The following ACADM variants were observed in gnomAD, a reference collection of about 807,000 sequenced individuals.
ACADM encodes the protein medium-chain specific acyl-CoA dehydrogenase, mitochondrial.
In ACADM, 49 loss-of-function variants were observed where a neutral mutation model predicts 58.9. The observed-to-expected ratio is 0.83, with a 90% confidence interval of 0.66 to 1.06. ACADM has a LOEUF of 1.06. Ranked by LOEUF, ACADM falls within the 50% of genes least tolerant of loss-of-function variation. The probability of loss-of-function intolerance (pLI) is 0.00; values close to 1 mark genes in which losing one functional copy is unlikely to be tolerated. For synonymous variants in ACADM, 160 were observed against 157.7 expected, an observed-to-expected ratio of 1.01 and a Z score of -0.11; for missense variants, 496 against 507.0, an observed-to-expected ratio of 0.98 and a Z score of 0.21.
At chr1:75,733,062 T>G (rs1335988228) in intron 4 of ACADM, 140 bp downstream of exon 4, 1 of 1,613,184 alleles carries the variant, frequency 6.2e-7, no homozygotes, top group African/African-American at 1.3e-5. Context: ...CTACAGTGTT[T>G]GCCCACTTTT....
In ACADM at chr1:75,745,789, G is replaced by A; in HGVS notation, c.600-17G>A. 1.9e-6 allele frequency: 3 copies of A among 1,549,840 alleles called. No individual in the cohort carries two copies. Among genetic ancestry groups the A allele is most frequent in the Non-Finnish European group, 2.7e-6 (3 of 1,121,528 alleles). Reference sequence around the variant, plus strand: ...TTGCCGATATTATCACCATTATCCGGTATGTGTATCTCTTAGGTATTTTTT... The same window carrying A: ...TTGCCGATATTATCACCATTATCCGATATGTGTATCTCTTAGGTATTTTTT... On this transcript the variant is annotated splice_polypyrimidine_tract_variant and intron_variant, in intron 7 of 11. Transcript: ENST00000370841.
At chr1:75,754,399 A>G (rs540593221) in intron 10 of ACADM, among the ~76,000 whole-genome samples, 4 of 151,424 alleles carry the variant, frequency 2.6e-5, no homozygotes, top group Non-Finnish European at 5.9e-5. Flanking sequence ...TTTAGTAGAG[A>G]TGAGGTTTCA....
Position 75,743,949 on chromosome 1 carries a change from G to T in ACADM, c.600-1857G>T, listed in dbSNP as rs189128961. ...CAGATGCCGACATGAAGCCTAGTTT[G>T]AGGTTATGTTTCTTCAAAAAAGCCT... On this transcript the variant is annotated intron_variant, in intron 7 of 11. Transcript: ENST00000370841. 1.6e-4 allele frequency: 245 copies of T among 1,534,942 alleles called. No individual in the cohort carries two copies. The African/African-American group carries it at 2.9e-3, about 18-fold the overall frequency.
intron 7 of ACADM, chr1:75,743,577 G>C: frequency 1.3e-6 from 2 of 1,584,564 alleles, no homozygotes; most frequent in Non-Finnish European, 1.7e-6. Context: ...CCACTGGCTT[G>C]TCAAAGATGC....
intron 9 of ACADM, among the ~76,000 whole-genome samples, chr1:75,749,788 T>C (rs1478783442): frequency 6.7e-6 from 1 of 149,844 alleles, no homozygotes; most frequent in Admixed American, 6.7e-5. Context: ...TCTCAGCTCA[T>C]TGCAACCTTC....
chr1:75,752,937 T>A (rs940908418), intron 10 of ACADM, among the ~76,000 whole-genome samples: 2 of 152,328 alleles, frequency 1.3e-5, no homozygotes, highest in East Asian at 3.9e-4. Context: ...TCCAGAGATT[T>A]CACCATTCTA....
rs1557438004 is a variant in ACADM at position 75,724,834 on chromosome 1, C to G, written c.30+17C>G. 1.4e-6 allele frequency: 2 copies of G among 1,473,814 alleles called. No homozygotes were observed. Among genetic ancestry groups the G allele is most frequent in the Non-Finnish European group, 1.8e-6 (2 of 1,107,146 alleles). 91.3% of individuals were successfully genotyped at this position (1,473,814 alleles called of 1,614,324 possible). A position where few individuals can be genotyped will look rare whatever the true frequency, so the allele number is the denominator to read the frequency against. ...TGCTGCAGGGTGAGAGGGAGCCCAG[C>G]GGTGCGGTGGGGCTGGAACATGGGT... On this transcript the variant is annotated intron_variant, in intron 1 of 11. Transcript: ENST00000370841.
chr1:75,728,251 A>C, intron 1 of ACADM, 150 bp from the exon 2 acceptor site: 2 of 567,990 alleles, frequency 3.5e-6, no homozygotes, highest in Non-Finnish European at 6.2e-6. Context: ...GCTTATTTAA[A>C]TTATGATTGA....
chr1:75,734,426 C>T lies in ACADM; in HGVS notation c.388-365C>T, dbSNP rs529342239. On this transcript the variant is annotated intron_variant, in intron 5 of 11. Coordinates refer to ENST00000370841, the MANE Select transcript of ACADM (RefSeq NM_000016.6). ...TCTTGACCTCGTAATCCGCCCACCT[C>T]GGCCTCCCAAAGTGCTGGGATTACA... 1.8e-3 allele frequency among the ~76,000 whole-genome samples: 274 copies of T among 151,686 alleles called. 1 individual carries two copies. Among genetic ancestry groups the T allele is most frequent in the Non-Finnish European group, 3.3e-3 (225 of 67,938 alleles).
chr1:75,732,925 A>T lies in ACADM; in HGVS notation c.286+3A>T, dbSNP rs758376450. 15 of 1,613,656 alleles carry T rather than the reference A, an allele frequency of 9.3e-6. 1 individual carries two copies. In the South Asian group the frequency reaches 1.6e-4, roughly 18 times the overall value. On this transcript the variant is annotated splice_donor_region_variant and intron_variant, in intron 4 of 11. Coordinates refer to ENST00000370841, the MANE Select transcript of ACADM (RefSeq NM_000016.6). ...CACACACATTCCAGAGAACTGTGGT[A>T]AGCTTTCTTTATATTTTTAATACTG...
chr1:75,758,421 T>C (rs928216635), intron 10 of ACADM, among the ~76,000 whole-genome samples: 3 of 152,168 alleles, frequency 2.0e-5, no homozygotes, highest in African/African-American at 7.2e-5. Context: ...GGGTAAGGTA[T>C]GAGGGAAGAT....
At chr1:75,731,235 C>T (rs575957332) in intron 2 of ACADM, among the ~76,000 whole-genome samples, 10 of 130,040 alleles carry the variant, frequency 7.7e-5, no homozygotes, top group East Asian at 7.2e-4. Flanking sequence ...GCCTAGATTG[C>T]GCCACTGCAC....
chr1:75,743,679 A>G (rs985444240), intron 7 of ACADM: 2 of 1,472,868 alleles, frequency 1.4e-6, no homozygotes, highest in Non-Finnish European at 1.9e-6. Flanking sequence ...TGAAGGTACC[A>G]CCATCCATAT....
intron 7 of ACADM, among the ~76,000 whole-genome samples, chr1:75,742,811 A>G (rs2100398023): frequency 1.3e-5 from 2 of 152,302 alleles, no homozygotes; most frequent in South Asian, 2.1e-4. Flanking sequence ...CTCTCCTCCC[A>G]TTCACACACC....
intron 9 of ACADM, 36 bp from the exon 10 acceptor site, chr1:75,750,415 C>T (rs772341438): frequency 6.6e-7 from 1 of 1,507,086 alleles, no homozygotes; most frequent in Admixed American, 1.8e-5. Flanking sequence ...TTAAAGATAA[C>T]ATGAACTTTT....
At chr1:75,742,034 C>T (rs1376471717) in intron 7 of ACADM, among the ~76,000 whole-genome samples, 2 of 152,288 alleles carry the variant, frequency 1.3e-5, no homozygotes, top group East Asian at 1.9e-4. Context: ...TTGAGAACAT[C>T]TGCCCTTTAA....
intron 7 of ACADM, chr1:75,744,604 C>T (rs11161510): frequency 0.26 from 317,738 of 1,204,448 alleles, 44,485 homozygotes; most frequent in Non-Finnish European, 0.3. Flanking sequence ...TCTGAAGAAG[C>T]GAACACTGAA....
In ACADM at chr1:75,734,883, T is replaced by C; in HGVS notation, c.468+12T>C. The stretch of plus-strand genomic sequence containing the variant: ...AGCCATTGATGTGTGTGAGTATGTG[T>C]AACTGCCGCTTTATTTCACACTTAA... On this transcript the variant is annotated intron_variant, in intron 6 of 11. Coordinates refer to ENST00000370841, the MANE Select transcript of ACADM (RefSeq NM_000016.6). 1.3e-6 allele frequency: 2 copies of C among 1,592,234 alleles called. No homozygotes were observed. Among genetic ancestry groups the C allele is most frequent in the Non-Finnish European group, 1.7e-6 (2 of 1,160,288 alleles).
intron 10 of ACADM, among the ~76,000 whole-genome samples, chr1:75,759,215 T>C (rs747111502): frequency 3.9e-5 from 6 of 152,322 alleles, no homozygotes; most frequent in Non-Finnish European, 8.8e-5. Flanking sequence ...GACACACTCT[T>C]GGGTGTTCAT....
Sources: gnomAD v4.1 joint callset for allele counts (sites outside exome capture counted in the v4.1 genomes callset) on GRCh38, gnomAD v4.1.1 for gene constraint, MANE v1.5 for transcripts, NCBI Gene and HGNC (gene_info 2026-07-23, HGNC 2026-07-21) for gene names.